Variants in MAP4 observed in about 807,000 individuals in gnomAD.
MAP4 encodes microtubule-associated protein 4.
Under a neutral mutation model 170.2 loss-of-function variants are expected in MAP4, and 76 were observed. That is an observed-to-expected ratio of 0.45 (90% CI 0.37 to 0.54). The LOEUF (loss-of-function observed/expected upper bound fraction) is 0.54, where lower values mean the gene tolerates loss of function less well. MAP4 is among the 20% of genes least tolerant of loss of function. The pLI is 0.00. For synonymous variants in MAP4, 909 were observed against 994.5 expected, an observed-to-expected ratio of 0.91 and a Z score of 1.62; for missense variants, 2,506 against 2,748.0, an observed-to-expected ratio of 0.91 and a Z score of 1.97.
chr3:47,905,015 G>A (rs1430602274), intron 9 of MAP4, among the ~76,000 whole-genome samples: 1 of 151,998 alleles, frequency 6.6e-6, no homozygotes, highest in Non-Finnish European at 1.5e-5. Flanking sequence ...GGAAACCATG[G>A]GTGACACCAT....
intron 2 of MAP4, among the ~76,000 whole-genome samples, chr3:47,996,468 G>A (rs2100095692): frequency 6.6e-6 from 1 of 152,128 alleles, no homozygotes; most frequent in Non-Finnish European, 1.5e-5. Flanking sequence ...ACCCCTCTGA[G>A]GCACGGGTAC....
intron 3 of MAP4, among the ~76,000 whole-genome samples, chr3:47,971,422 G>A (rs1226917866): frequency 1.5e-4 from 23 of 152,190 alleles, no homozygotes; most frequent in Non-Finnish European, 2.4e-4. Flanking sequence ...CCTACCAGAT[G>A]AGATAGTGAT....
At chr3:47,984,149 C>G (rs1326594396) in intron 2 of MAP4, among the ~76,000 whole-genome samples, 1 of 152,218 alleles carries the variant, frequency 6.6e-6, no homozygotes, top group East Asian at 1.9e-4. Flanking sequence ...TACCACCACA[C>G]CCAGTTAATT....
intron 10 of MAP4, among the ~76,000 whole-genome samples, chr3:47,887,993 G>A (rs1365035686): frequency 6.6e-6 from 1 of 151,778 alleles, no homozygotes; most frequent in Non-Finnish European, 1.5e-5. Flanking sequence ...TCTAGCTCAA[G>A]GTTTGTAAAC....
At chr3:47,951,619 C>G (rs893520804) in intron 3 of MAP4, among the ~76,000 whole-genome samples, 1 of 152,190 alleles carries the variant, frequency 6.6e-6, no homozygotes, top group African/African-American at 2.4e-5. Context: ...CCCGAGGTGC[C>G]GGGATTGCAG....
chr3:47,891,117 G>C (rs774218222), intron 10 of MAP4: 1 of 1,536,350 alleles, frequency 6.5e-7, no homozygotes. Flanking sequence ...GTCTGTCCTG[G>C]CTGTTTCTCT....
Position 47,855,384 on chromosome 3 carries a change from A to AC in MAP4, c.6584-25dup. The AC allele has an allele frequency of 1.4e-6, 2 of 1,452,100 alleles. No homozygotes were observed. Among genetic ancestry groups the AC allele is most frequent in the Non-Finnish European group, 1.9e-6 (2 of 1,031,962 alleles). The allele number at this position is 1,452,100 out of a possible 1,614,324, so 90.0% of individuals were successfully genotyped here. A position where few individuals can be genotyped will look rare whatever the true frequency, so the allele number is the denominator to read the frequency against. On this transcript the variant is annotated intron_variant, in intron 18 of 20. Coordinates refer to ENST00000683076, the MANE Select transcript of MAP4 (RefSeq NM_001385682.1). This position sits in a 1 kb window ranked among gnomAD's most constrained non-coding sequence, Gnocchi z 5.1. Reference sequence around the variant, plus strand: ...ACCTGGAACCACAAAGGAACTGGTCACCTAGGGTGGCAGAGGAATATCCCT... The same window carrying AC: ...ACCTGGAACCACAAAGGAACTGGTCACCCTAGGGTGGCAGAGGAATATCCCT...
chr3:48,068,887 T>C (rs1047452906), intron 1 of MAP4, among the ~76,000 whole-genome samples: 1 of 152,234 alleles, frequency 6.6e-6, no homozygotes, highest in African/African-American at 2.4e-5. Context: ...GCATTTACAG[T>C]GTGTATCATG....
chr3:48,087,735 ACACG>A (rs1265129274), intron 1 of MAP4, among the ~76,000 whole-genome samples: 1 of 100,424 alleles, frequency 1.0e-5, no homozygotes. Flanking sequence ...ACGCGCACAC[ACACG>A]CACGCGCACA....
At chr3:48,088,233 C>CCA (rs1012430174) in intron 1 of MAP4, among the ~76,000 whole-genome samples, 2 of 151,596 alleles carry the variant, frequency 1.3e-5, no homozygotes, top group Admixed American at 1.3e-4. Flanking sequence ...GCTTTAGTCC[C>CCA]CACACAGTGT....
chr3:48,024,861 T>C (rs1277653766), intron 1 of MAP4, among the ~76,000 whole-genome samples: 1 of 152,192 alleles, frequency 6.6e-6, no homozygotes, highest in East Asian at 1.9e-4. Context: ...CAGGGACTTT[T>C]ACAAAGTAAA....
At chr3:47,997,850 A>C (rs1456305608) in intron 2 of MAP4, among the ~76,000 whole-genome samples, 2 of 152,190 alleles carry the variant, frequency 1.3e-5, no homozygotes, top group African/African-American at 4.8e-5. Flanking sequence ...GGGACCAAGG[A>C]ATTCCTTGAA....
At chr3:47,899,319 T>A (rs2100028787) in intron 10 of MAP4, among the ~76,000 whole-genome samples, 2 of 152,190 alleles carry the variant, frequency 1.3e-5, no homozygotes, top group African/African-American at 2.4e-5. Context: ...TTTGTATTTT[T>A]AGTATACACA....
In MAP4 at chr3:47,919,982, T is replaced by C. The variant is rs564914336; in HGVS notation, c.530-1141A>G. ...TCTTATTTTTATTATATTTATTTAT[T>C]AATTTTTGAGATGGATTCTTGCTCG... On this transcript the variant is annotated intron_variant, in intron 5 of 20. Transcript: ENST00000683076. Among the ~76,000 whole-genome samples, 111 of 152,252 alleles carry C rather than the reference T, an allele frequency of 7.3e-4. 1 individual carries two copies. The highest frequency in any genetic ancestry group is 2.6e-3 in the African/African-American group (107 of 41,560).
chr3:47,879,191 A>G (rs2096168891), intron 10 of MAP4, among the ~76,000 whole-genome samples: 2 of 152,184 alleles, frequency 1.3e-5, no homozygotes, highest in Non-Finnish European at 2.9e-5. Context: ...GAAAAAATAA[A>G]GCATGGAGAA....
chr3:47,973,662 G>T, intron 3 of MAP4: 1 of 985,246 alleles, frequency 1.0e-6, no homozygotes, highest in Non-Finnish European at 1.2e-6. Flanking sequence ...TGTACACAAC[G>T]GAAAGTCATA....
intron 2 of MAP4, chr3:47,987,422 G>GGTCTAGAAGGGTC: frequency 1.3e-6 from 2 of 1,531,194 alleles, no homozygotes; most frequent in Non-Finnish European, 1.7e-6. Context: ...GGGTGTGGGG[G>GGTCTAGAAGGGTC]TAGTGGGAGG....
chr3:47,932,511 A>C (rs1484556648), intron 3 of MAP4, among the ~76,000 whole-genome samples: 2 of 152,196 alleles, frequency 1.3e-5, no homozygotes, highest in Non-Finnish European at 2.9e-5. Flanking sequence ...ACTGTTTCCA[A>C]AATGGCTGCG....
intron 1 of MAP4, among the ~76,000 whole-genome samples, chr3:48,022,896 G>C (rs946587139): frequency 1.3e-5 from 1 of 76,318 alleles, no homozygotes; most frequent in Non-Finnish European, 2.8e-5. Context: ...ATCTCAGGGG[G>C]GAAAAAAAAA....
Sources: allele counts gnomAD v4.1 joint callset (sites outside exome capture counted in the v4.1 genomes callset), GRCh38; gene constraint gnomAD v4.1.1; non-coding constraint Gnocchi (gnomAD v3.1); transcripts MANE v1.5; gene names NCBI Gene and HGNC (gene_info 2026-07-23, HGNC 2026-07-21).